Variants in COL22A1 observed in about 807,000 individuals in gnomAD.
COL22A1 encodes the protein collagen alpha-1(XXII) chain.
In COL22A1, 221 loss-of-function variants were observed where a neutral mutation model predicts 248.9. The ratio of observed to expected loss-of-function variants is 0.89; its 90% confidence interval spans 0.80 to 0.99. The LOEUF (loss-of-function observed/expected upper bound fraction) is 0.99. Among genes scored for constraint, COL22A1 ranks in the 50% least tolerant of loss-of-function variants. The pLI is 0.00. For missense variants in COL22A1, 2,240 were observed against 2,179.0 expected, an observed-to-expected ratio of 1.03 and a Z score of -0.56; for synonymous variants, 891 against 793.4, an observed-to-expected ratio of 1.12 and a Z score of -2.07.
intron 3 of COL22A1, among the ~76,000 whole-genome samples, chr8:138,859,101 A>C (rs1822253676): frequency 6.6e-6 from 1 of 152,174 alleles, no homozygotes; most frequent in Non-Finnish European, 1.5e-5. Flanking sequence ...TGCCTCTTTT[A>C]GTCTGTGGTT....
chr8:138,650,304 A>G (rs1180454840), intron 45 of COL22A1, among the ~76,000 whole-genome samples: 2 of 152,212 alleles, frequency 1.3e-5, no homozygotes, highest in Non-Finnish European at 2.9e-5. Flanking sequence ...TCTGTGATAC[A>G]ATGCCGACTC....
intron 7 of COL22A1, among the ~76,000 whole-genome samples, chr8:138,815,741 C>T (rs536097686): frequency 1.1e-4 from 16 of 152,254 alleles, no homozygotes; most frequent in Admixed American, 3.3e-4. Flanking sequence ...ATAAAAGTGC[C>T]GTACAATCGA....
chr8:138,773,934 C>T (rs1834603224), intron 16 of COL22A1, among the ~76,000 whole-genome samples: 2 of 152,210 alleles, frequency 1.3e-5, no homozygotes, highest in Non-Finnish European at 2.9e-5. Context: ...ACCCCACTCT[C>T]CGCTACACGG....
intron 27 of COL22A1, among the ~76,000 whole-genome samples, chr8:138,717,921 T>A (rs1032021584): frequency 6.6e-6 from 1 of 152,230 alleles, no homozygotes; most frequent in African/African-American, 2.4e-5. Flanking sequence ...TGAATGACAA[T>A]GTATTTCTAA....
intron 16 of COL22A1, among the ~76,000 whole-genome samples, chr8:138,769,461 A>G (rs1834179293): frequency 1.3e-5 from 2 of 152,088 alleles, no homozygotes; most frequent in South Asian, 4.2e-4. Context: ...GCTGAGAGCC[A>G]CCCTGGCTGC....
At chr8:138,622,392 C>T (rs972532091) in intron 52 of COL22A1, among the ~76,000 whole-genome samples, 5 of 152,030 alleles carry the variant, frequency 3.3e-5, no homozygotes, top group East Asian at 1.9e-4. Context: ...GGCCAGAATC[C>T]GAAGCAAGCT....
intron 36 of COL22A1, among the ~76,000 whole-genome samples, chr8:138,690,304 C>T (rs1486920498): frequency 1.3e-5 from 2 of 152,074 alleles, no homozygotes; most frequent in South Asian, 2.1e-4. Context: ...GGTCCTTTAG[C>T]GGACACCTTG....
At chr8:138,628,078 C>A (rs1820400750) in intron 50 of COL22A1, among the ~76,000 whole-genome samples, 1 of 152,096 alleles carries the variant, frequency 6.6e-6, no homozygotes, top group Non-Finnish European at 1.5e-5. Flanking sequence ...TATTTTCCAA[C>A]CACCTTTCAA....
intron 56 of COL22A1, among the ~76,000 whole-genome samples, chr8:138,609,255 G>C (rs1938107693): frequency 6.6e-6 from 1 of 152,228 alleles, no homozygotes; most frequent in Non-Finnish European, 1.5e-5. Context: ...TAAGCCACCT[G>C]CCTGCGAGGC....
At chr8:138,650,670 T>TTAGA (rs6150847) in intron 45 of COL22A1, among the ~76,000 whole-genome samples, 4,436 of 151,092 alleles carry the variant, frequency 0.029, 74 homozygotes, top group African/African-American at 0.049. Flanking sequence ...TCAAGAAAGA[T>TTAGA]TAGATAGATA....
At chr8:138,640,794 T>C (rs1273806042) in intron 47 of COL22A1, among the ~76,000 whole-genome samples, 3 of 152,204 alleles carry the variant, frequency 2.0e-5, no homozygotes, top group African/African-American at 7.2e-5. Context: ...GTACAATTCT[T>C]TTTCAGATGA....
At chr8:138,776,148 C>G in intron 15 of COL22A1, 138 bp from the exon 16 acceptor site, 1 of 801,194 alleles carries the variant, frequency 1.2e-6, no homozygotes. Context: ...GACCCTGTCT[C>G]CCTGTGTAGT....
At chr8:138,731,034 G>A (rs756378729) in intron 23 of COL22A1, among the ~76,000 whole-genome samples, 13 of 152,302 alleles carry the variant, frequency 8.5e-5, no homozygotes, top group Non-Finnish European at 1.8e-4. Flanking sequence ...GGGCGCATTG[G>A]CTCACACCTG....
chr8:138,703,352 A>T lies in COL22A1; in HGVS notation c.2518-5T>A, dbSNP rs1442780156. 2 of 1,613,150 alleles carry T rather than the reference A, an allele frequency of 1.2e-6. No individual in the cohort carries two copies. Among genetic ancestry groups the T allele is most frequent in the South Asian group, 1.1e-5 (1 of 91,060 alleles). Reference sequence around the variant, plus strand: ...GCCTGCAGGACCAGCTTCACCCTAGATGGAGAAATGGAAAATCCATGACCA... The same window carrying T: ...GCCTGCAGGACCAGCTTCACCCTAGTTGGAGAAATGGAAAATCCATGACCA... On this transcript the variant is annotated splice_polypyrimidine_tract_variant and splice_region_variant and intron_variant, in intron 30 of 64. Coordinates refer to ENST00000303045, the MANE Select transcript of COL22A1 (RefSeq NM_152888.3).
chr8:138,874,991 C>G (rs1340119204), intron 3 of COL22A1, among the ~76,000 whole-genome samples: 1 of 152,130 alleles, frequency 6.6e-6, no homozygotes, highest in Non-Finnish European at 1.5e-5. Context: ...CCTTGTTGAT[C>G]TCACCCTCCT....
chr8:138,883,011 G>A, intron 2 of COL22A1, 71 bp downstream of exon 2: 1 of 1,343,106 alleles, frequency 7.4e-7, no homozygotes. Context: ...ACACACCACA[G>A]CCCATGCTCA....
At chr8:138,741,435 T>C (rs1281570913) in intron 22 of COL22A1, among the ~76,000 whole-genome samples, 1 of 152,216 alleles carries the variant, frequency 6.6e-6, no homozygotes, top group Non-Finnish European at 1.5e-5. Context: ...AAATCTAAGG[T>C]ACATTGGAAG....
chr8:138,608,804 A>T (rs539157794), intron 56 of COL22A1, among the ~76,000 whole-genome samples: 2 of 152,174 alleles, frequency 1.3e-5, no homozygotes, highest in Admixed American at 1.3e-4. Flanking sequence ...CACTCAGGGC[A>T]CATTCCCGTT....
At chr8:138,838,931 C>A (rs536014599) in intron 4 of COL22A1, among the ~76,000 whole-genome samples, 1 of 152,278 alleles carries the variant, frequency 6.6e-6, no homozygotes, top group East Asian at 1.9e-4. Context: ...TCACCTCATC[C>A]AGCAAAGGTC....
Sources: gnomAD v4.1 joint callset for allele counts (sites outside exome capture counted in the v4.1 genomes callset) on GRCh38, gnomAD v4.1.1 for gene constraint, MANE v1.5 for transcripts, NCBI Gene and HGNC (gene_info 2026-07-23, HGNC 2026-07-21) for gene names.